TMEM144: variants seen among roughly 807,000 people sequenced by gnomAD.
TMEM144 encodes the protein transmembrane protein 144.
A neutral mutation model predicts 43.6 loss-of-function variants in TMEM144; 39 were observed. The observed-to-expected ratio is 0.90, with a 90% CI of 0.69 to 1.17. The LOEUF (loss-of-function observed/expected upper bound fraction) is 1.17. TMEM144 is among the 50% of genes most tolerant of loss of function. TMEM144 has a pLI of 0.00. For missense variants in TMEM144, 417 were observed against 411.9 expected (o/e 1.01, Z -0.11); for synonymous variants, 154 against 133.6 (o/e 1.15, Z -1.06).
intron 7 of TMEM144, chr4:158,234,647 T>C (rs1008617194): frequency 7.9e-5 from 12 of 152,128 alleles, no homozygotes; most frequent in Non-Finnish European, 1.8e-4. Context: ...AAACCACAGA[T>C]AGTACCAAAC....
chr4:158,249,904 G>A (rs1445547965), intron 12 of TMEM144, among the ~76,000 whole-genome samples: 1 of 113,770 alleles, frequency 8.8e-6, no homozygotes, highest in Non-Finnish European at 1.9e-5. Context: ...GTGTGTGTGT[G>A]TGTGTGTGTG....
chr4:158,240,528 GGTGTGTGTGTGTTGT>G, intron 10 of TMEM144, 110 bp downstream of exon 10: 1 of 1,220,962 alleles, frequency 8.2e-7, no homozygotes, highest in Non-Finnish European at 1.1e-6. Context: ...GTGTATATGT[GGTGTGTGTGTGTTGT>G]GTGTGTGTGT....
chr4:158,220,732 A>G (rs893091377), intron 6 of TMEM144, among the ~76,000 whole-genome samples: 2 of 152,228 alleles, frequency 1.3e-5, no homozygotes, highest in African/African-American at 2.4e-5. Context: ...TATTTTATTA[A>G]TAACATTTAT....
At chr4:158,242,442 T>C (rs775550478) in intron 11 of TMEM144, among the ~76,000 whole-genome samples, 2 of 152,210 alleles carry the variant, frequency 1.3e-5, no homozygotes, top group Non-Finnish European at 2.9e-5. Context: ...GGCTAGATTT[T>C]TAAAACTTTT....
chr4:158,250,086 C>G (rs1311911043), intron 12 of TMEM144, among the ~76,000 whole-genome samples: 3 of 151,218 alleles, frequency 2.0e-5, no homozygotes. Flanking sequence ...CTCTGGTCAT[C>G]AAACAGAGGC....
Position 158,252,969 on chromosome 4 carries a change from A to G in TMEM144, c.955-475A>G, listed in dbSNP as rs75944347. On this transcript the variant is annotated intron_variant, in intron 12 of 12. Coordinates refer to ENST00000296529, the MANE Select transcript of TMEM144 (RefSeq NM_018342.5). ...TGGGAAATATTTTGCTTTTTCTTAC[A>G]ACAGGACTGTGCACATAAAATTCCT... Among the ~76,000 whole-genome samples, 852 of 152,232 alleles carry G rather than the reference A, an allele frequency of 5.6e-3. 11 individuals are homozygous for G. The highest frequency in any genetic ancestry group is 0.02 in the African/African-American group (817 of 41,534).
At chr4:158,237,695 A>T (rs1735426728) in intron 9 of TMEM144, 52 bp downstream of exon 9, 1 of 1,231,712 alleles carries the variant, frequency 8.1e-7, no homozygotes, top group African/African-American at 1.5e-5. Flanking sequence ...TTATGAATAT[A>T]AAAAGAATTG....
At chr4:158,238,130 C>G (rs889159771) in intron 9 of TMEM144, among the ~76,000 whole-genome samples, 1 of 152,106 alleles carries the variant, frequency 6.6e-6, no homozygotes, top group African/African-American at 2.4e-5. Flanking sequence ...AATTAATCTC[C>G]CAAGAGTAAA....
intron 6 of TMEM144, 130 bp downstream of exon 6, chr4:158,219,520 C>A: frequency 1.1e-6 from 1 of 924,600 alleles, no homozygotes; most frequent in Admixed American, 2.2e-5. Context: ...TCAGATTCTT[C>A]ATTTACAATG....
intron 9 of TMEM144, 60 bp downstream of exon 9, chr4:158,237,703 T>C: frequency 8.6e-7 from 1 of 1,164,328 alleles, no homozygotes; most frequent in South Asian, 1.4e-5. Context: ...ATAAAAAGAA[T>C]TGTGATAATA....
At chr4:158,217,767 T>G (rs1177957672) in intron 5 of TMEM144, among the ~76,000 whole-genome samples, 1 of 152,164 alleles carries the variant, frequency 6.6e-6, no homozygotes, top group Non-Finnish European at 1.5e-5. Flanking sequence ...GTAAGCACTA[T>G]CTTATAAGAG....
At chr4:158,227,261 A>G (rs1166978909) in intron 6 of TMEM144, among the ~76,000 whole-genome samples, 1 of 152,044 alleles carries the variant, frequency 6.6e-6, no homozygotes, top group Non-Finnish European at 1.5e-5. Context: ...GTTTCCTCTA[A>G]AAGTTATTTT....
intron 6 of TMEM144, among the ~76,000 whole-genome samples, chr4:158,225,638 T>C (rs1280831150): frequency 6.6e-6 from 1 of 152,198 alleles, no homozygotes; most frequent in Non-Finnish European, 1.5e-5. Context: ...GATAGCCAAA[T>C]GGACTAAAGC....
intron 12 of TMEM144, among the ~76,000 whole-genome samples, chr4:158,247,804 A>G (rs75621969): frequency 0.011 from 1,602 of 152,152 alleles, 25 homozygotes; most frequent in African/African-American, 0.034. Context: ...TCGCTGTTAT[A>G]ATTAGGTAGT....
intron 5 of TMEM144, among the ~76,000 whole-genome samples, chr4:158,218,873 T>A (rs1442727795): frequency 6.6e-6 from 1 of 152,194 alleles, no homozygotes; most frequent in Non-Finnish European, 1.5e-5. Flanking sequence ...ACGCCTATAA[T>A]CTCAGCACTT....
chr4:158,243,516 C>T (rs150604612), intron 11 of TMEM144, among the ~76,000 whole-genome samples: 52 of 152,288 alleles, frequency 3.4e-4, no homozygotes, highest in African/African-American at 1.2e-3. Context: ...TGATACAATA[C>T]ACCTTCTCCA....
At chr4:158,210,742 C>T (rs1321046874) in intron 1 of TMEM144, 156 bp downstream of exon 1, 1 of 152,166 alleles carries the variant, frequency 6.6e-6, no homozygotes, top group Non-Finnish European at 1.5e-5. Context: ...CGGTACTTGC[C>T]TGGAGATTTG....
At chr4:158,216,780 T>G (rs1361388606) in intron 4 of TMEM144, among the ~76,000 whole-genome samples, 1 of 151,770 alleles carries the variant, frequency 6.6e-6, no homozygotes, top group Non-Finnish European at 1.5e-5. Flanking sequence ...GAAGACATCA[T>G]GGAATCCTAA....
At chr4:158,235,186 G>A (rs977027912) in intron 7 of TMEM144, 1 of 400,330 alleles carries the variant, frequency 2.5e-6, no homozygotes, top group Non-Finnish European at 4.6e-6. Context: ...GTTTTTATAG[G>A]TGTATCACAA....
Sources: allele counts gnomAD v4.1 joint callset (sites outside exome capture counted in the v4.1 genomes callset), GRCh38; gene constraint gnomAD v4.1.1; transcripts MANE v1.5; gene names NCBI Gene and HGNC (gene_info 2026-07-23, HGNC 2026-07-21).